GALNTL6: variants seen among roughly 807,000 people sequenced by gnomAD.
GALNTL6 encodes the protein polypeptide N-acetylgalactosaminyltransferase-like 6.
GALNTL6 carries 46 observed loss-of-function variants against 73.7 expected under a neutral mutation model. That is an observed-to-expected ratio of 0.62 (90% CI 0.49 to 0.80). The LOEUF (loss-of-function observed/expected upper bound fraction) is 0.80, where lower values mean the gene tolerates loss of function less well. GALNTL6 is among the 30% of genes least tolerant of loss of function. GALNTL6 has a pLI of 0.00. For missense variants in GALNTL6, 604 were observed against 755.0 expected, an observed-to-expected ratio of 0.80 and a Z score of 2.34; for synonymous variants, 259 against 263.7, an observed-to-expected ratio of 0.98 and a Z score of 0.17.
chr4:172,892,601 AATTC>A (rs1470965190), intron 8 of GALNTL6, among the ~76,000 whole-genome samples: 1 of 133,198 alleles, frequency 7.5e-6, no homozygotes, highest in Non-Finnish European at 1.6e-5. Context: ...TCATATTTTT[AATTC>A]TTTTTTTTTT....
At position 172,080,900 on chromosome 4, in the gene GALNTL6, T is replaced by C. The variant is rs1303145479; in HGVS notation, c.139-148756T>C. On this transcript the variant is annotated intron_variant, in intron 2 of 12. Transcript: ENST00000506823. ...TACATTTCTTGTTGCACACTCTTCATCTGGCATCAATACTTCTACATGTCA... is the reference window on the plus strand; with the variant it reads ...TACATTTCTTGTTGCACACTCTTCACCTGGCATCAATACTTCTACATGTCA... 2.6e-5 allele frequency among the ~76,000 whole-genome samples: 4 copies of C among 152,286 alleles called. No individual in the cohort carries two copies. In the East Asian group the frequency reaches 7.7e-4, roughly 29 times the overall value.
intron 5 of GALNTL6, among the ~76,000 whole-genome samples, chr4:172,359,542 T>C (rs1367573078): frequency 1.3e-5 from 2 of 152,116 alleles, no homozygotes; most frequent in African/African-American, 4.8e-5. Context: ...TTTTAAAGAA[T>C]CAGAGAAGTA....
chr4:171,844,617 A>G (rs1331405091), intron 2 of GALNTL6, among the ~76,000 whole-genome samples: 1 of 152,188 alleles, frequency 6.6e-6, no homozygotes, highest in African/African-American at 2.4e-5. Context: ...AAGGTGGAAC[A>G]GCAGATATGA....
chr4:172,901,920 T>C (rs1353547391), intron 8 of GALNTL6, among the ~76,000 whole-genome samples: 1 of 152,168 alleles, frequency 6.6e-6, no homozygotes, highest in South Asian at 2.1e-4. Flanking sequence ...TTCAGTCTCT[T>C]TTAATATTAA....
intron 4 of GALNTL6, among the ~76,000 whole-genome samples, chr4:172,343,785 AT>A (rs201682487): frequency 9.4e-4 from 141 of 149,916 alleles, no homozygotes; most frequent in African/African-American, 2.4e-3. Flanking sequence ...AATAATTTGG[AT>A]TTTTTTTTTG....
In GALNTL6 at chr4:172,440,706, A is replaced by G. The variant is rs336007; in HGVS notation, c.553+92017A>G. On this transcript the variant is annotated intron_variant, in intron 5 of 12. Coordinates refer to ENST00000506823, the MANE Select transcript of GALNTL6 (RefSeq NM_001034845.3). ...ATGTTGGTAATGGAGGAGGCTATGC[A>G]TGTGTAGAGGCAGGAGGTATATGAG... is the stretch of plus-strand genomic sequence containing the variant. 9.2e-3 allele frequency among the ~76,000 whole-genome samples: 1,400 copies of G among 152,256 alleles called. 28 individuals carry two copies. Among genetic ancestry groups the G allele is most frequent in the African/African-American group, 0.032 (1,322 of 41,562 alleles).
At chr4:171,880,467 G>T (rs1378901748) in intron 2 of GALNTL6, among the ~76,000 whole-genome samples, 1 of 152,214 alleles carries the variant, frequency 6.6e-6, no homozygotes, top group African/African-American at 2.4e-5. Flanking sequence ...AAACGATTGG[G>T]AAGAAAGGCT....
At chr4:172,374,506 C>A (rs1205649383) in intron 5 of GALNTL6, among the ~76,000 whole-genome samples, 3 of 152,214 alleles carry the variant, frequency 2.0e-5, no homozygotes, top group Non-Finnish European at 4.4e-5. Flanking sequence ...CCCATAGCTG[C>A]TCGAGGAAAG....
chr4:172,104,067 C>A (rs1421138233), intron 2 of GALNTL6, among the ~76,000 whole-genome samples: 2 of 152,168 alleles, frequency 1.3e-5, no homozygotes, highest in African/African-American at 4.8e-5. Context: ...CCTCAGCCTC[C>A]CGAGTAGCTG....
intron 5 of GALNTL6, among the ~76,000 whole-genome samples, chr4:172,539,875 T>TTATATATATATATATATA (rs10589603): frequency 6.3e-5 from 8 of 126,680 alleles, no homozygotes; most frequent in Admixed American, 8.2e-5. Flanking sequence ...ATACATATGA[T>TTATATATATATATATATA]TATATATATA....
intron 5 of GALNTL6, among the ~76,000 whole-genome samples, chr4:172,444,526 A>G (rs1731950083): frequency 6.6e-6 from 1 of 152,228 alleles, no homozygotes; most frequent in African/African-American, 2.4e-5. Flanking sequence ...GCTATAAAAC[A>G]TAGATACTTC....
chr4:173,010,896 C>A (rs62341921), intron 11 of GALNTL6, among the ~76,000 whole-genome samples: 1 of 151,814 alleles, frequency 6.6e-6, no homozygotes, highest in African/African-American at 2.4e-5. Flanking sequence ...TAAGCCACCA[C>A]GCCCAGCCAA....
chr4:172,521,904 T>C (rs1351681949), intron 5 of GALNTL6, among the ~76,000 whole-genome samples: 1 of 152,210 alleles, frequency 6.6e-6, no homozygotes, highest in Non-Finnish European at 1.5e-5. Flanking sequence ...TCTTATTCAT[T>C]AGAATTTTCT....
intron 2 of GALNTL6, among the ~76,000 whole-genome samples, chr4:171,979,210 C>T (rs1335232985): frequency 6.6e-6 from 1 of 152,194 alleles, no homozygotes; most frequent in Non-Finnish European, 1.5e-5. Flanking sequence ...CACACAAAGG[C>T]AGTGTTTTTT....
At chr4:171,955,418 G>T (rs1251239130) in intron 2 of GALNTL6, among the ~76,000 whole-genome samples, 1 of 150,490 alleles carries the variant, frequency 6.6e-6, no homozygotes, top group Non-Finnish European at 1.5e-5. Context: ...ACATACAGTT[G>T]ACCCCCGATA....
chr4:172,134,246 A>G (rs945420618), intron 2 of GALNTL6, among the ~76,000 whole-genome samples: 2 of 152,072 alleles, frequency 1.3e-5, no homozygotes, highest in East Asian at 3.9e-4. Context: ...TTAGCTGGGC[A>G]TGGTGGCGGG....
chr4:172,040,685 G>T (rs1742063138), intron 2 of GALNTL6, among the ~76,000 whole-genome samples: 1 of 152,022 alleles, frequency 6.6e-6, no homozygotes, highest in Non-Finnish European at 1.5e-5. Flanking sequence ...TCAATTTACA[G>T]CTGATAAAAT....
chr4:171,919,692 AAAAG>A (rs755106769), intron 2 of GALNTL6, among the ~76,000 whole-genome samples: 4 of 152,278 alleles, frequency 2.6e-5, no homozygotes, highest in East Asian at 1.9e-4. Context: ...TCAACAAAAA[AAAAG>A]AAAGAAAGGA....
intron 5 of GALNTL6, among the ~76,000 whole-genome samples, chr4:172,470,667 A>G (rs1733012490): frequency 6.6e-6 from 1 of 152,202 alleles, no homozygotes; most frequent in African/African-American, 2.4e-5. Flanking sequence ...GAAAAGCCTT[A>G]CTACTTGTTA....
Sources: gnomAD v4.1 joint callset for allele counts (sites outside exome capture counted in the v4.1 genomes callset) on GRCh38, gnomAD v4.1.1 for gene constraint, MANE v1.5 for transcripts, NCBI Gene and HGNC (gene_info 2026-07-23, HGNC 2026-07-21) for gene names.